The following MYOM2 variants were observed in gnomAD, a reference collection of about 807,000 sequenced individuals.
MYOM2 encodes myomesin-2.
MYOM2 carries 254 observed loss-of-function variants against 187.6 expected under a neutral mutation model. The ratio of observed to expected loss-of-function variants is 1.35; its 90% confidence interval spans 1.22 to 1.50. MYOM2 has a LOEUF of 1.50. Ranked by LOEUF, MYOM2 falls within the 40% of genes most tolerant of loss-of-function variation. MYOM2 has a pLI of 0.00. For missense variants in MYOM2, 2,796 were observed against 1,924.0 expected, an observed-to-expected ratio of 1.45 and a Z score of -8.48; for synonymous variants, 981 against 753.8, an observed-to-expected ratio of 1.30 and a Z score of -4.94.
intron 31 of MYOM2, among the ~76,000 whole-genome samples, chr8:2,127,152 G>A (rs1024867246): frequency 2.6e-5 from 4 of 151,950 alleles, no homozygotes; most frequent in African/African-American, 9.7e-5. Context: ...GGGTCGGGTG[G>A]GGGAATATGG....
chr8:2,057,747 C>G lies in MYOM2; in HGVS notation c.527C>G (p.Thr176Ser), dbSNP rs751424968. ...WERMSVKLCF[T>S]VQGFPTPVVQ... ...AGGATGTCTGTGAAACTCTGCTTCA[C>G]CGTGCAAGGATTTCCCACGCCCGTG... is the stretch of plus-strand genomic sequence containing the variant. Residue 176 changes from threonine to serine, a missense_variant, in exon 5 of 37, where the codon ACC becomes AGC. Transcript: ENST00000262113. The G allele has an allele frequency of 1.2e-6, 2 of 1,614,104 alleles. No individual in the cohort carries two copies. The highest frequency in any genetic ancestry group is 1.1e-5 in the South Asian group (1 of 91,072).
intron 1 of MYOM2, among the ~76,000 whole-genome samples, chr8:2,047,792 C>T (rs1363510511): frequency 2.6e-5 from 4 of 152,340 alleles, no homozygotes; most frequent in Non-Finnish European, 4.4e-5. Context: ...AGTGTGCACA[C>T]GTGATCCCAG....
chr8:2,121,553 C>T lies in MYOM2; in HGVS notation c.3454-1699C>T, dbSNP rs374633575. ...TACATTTGATTTACATACTTGTGTC[C>T]CTGTCAAGCCTGTGATTCGGTGCAC... On this transcript the variant is annotated intron_variant, in intron 28 of 36. Transcript: ENST00000262113. Among the ~76,000 whole-genome samples the T allele has an allele frequency of 5.3e-5, 8 of 152,060 alleles. No individual in the cohort carries two copies. In the East Asian group the frequency reaches 1.2e-3, roughly 22 times the overall value.
intron 25 of MYOM2, among the ~76,000 whole-genome samples, chr8:2,113,364 A>C (rs3779831): frequency 6.6e-6 from 1 of 151,968 alleles, no homozygotes. Context: ...AACACCTTTC[A>C]GTATCTGTTA....
rs1796976600 is a variant in MYOM2, at chr8:2,108,826, C to G, written c.3039C>G (p.Asn1013Lys). ...TGGCATTGAGCAATGAAATAAAGAA[C>G]CCCAGTAAGTAAGCCTCCAGCCCTT... Reference protein sequence around the residue: ...RLMALSNEIKNPTIPLKSELA... With the variant: ...RLMALSNEIKKPTIPLKSELA... Residue 1013 changes from asparagine (N) to lysine (K), a missense_variant, in exon 24 of 37, where the codon AAC (asparagine) becomes AAG (lysine). Physicochemically the swap from Asn to Lys is moderately conservative, Grantham distance 94. Coordinates refer to ENST00000262113, the MANE Select transcript of MYOM2 (RefSeq NM_003970.4). The G allele has an allele frequency of 6.2e-7, 1 of 1,613,846 alleles. No homozygotes were observed. The highest frequency in any genetic ancestry group is 8.5e-7 in the Non-Finnish European group (1 of 1,179,936).
chr8:2,089,815 G>A (rs1379298375), intron 14 of MYOM2, among the ~76,000 whole-genome samples, 193 bp from the exon 15 acceptor site: 11 of 152,126 alleles, frequency 7.2e-5, no homozygotes, highest in Non-Finnish European at 4.4e-5. Context: ...GGGTATTTGT[G>A]ACTTCCTTCT....
At chr8:2,124,373 C>T (rs534323376) in intron 31 of MYOM2, among the ~76,000 whole-genome samples, 156 bp downstream of exon 31, 8 of 152,198 alleles carry the variant, frequency 5.3e-5, no homozygotes, top group African/African-American at 1.7e-4. Context: ...GATCTGCTGC[C>T]GATGAAGCTT....
At chr8:2,139,116 C>T (rs980536900) in intron 32 of MYOM2, among the ~76,000 whole-genome samples, 1 of 151,312 alleles carries the variant, frequency 6.6e-6, no homozygotes, top group African/African-American at 2.4e-5. Flanking sequence ...CACCAGAGAC[C>T]GGGACGCAGA....
At chr8:2,076,400 A>G in intron 11 of MYOM2, 118 bp downstream of exon 11, 1 of 1,319,220 alleles carries the variant, frequency 7.6e-7, no homozygotes, top group Non-Finnish European at 1.0e-6. Flanking sequence ...GATTGGCTCT[A>G]GGTACATGGC....
At chr8:2,062,391 C>A (rs759947058) in intron 6 of MYOM2, among the ~76,000 whole-genome samples, 5 of 152,006 alleles carry the variant, frequency 3.3e-5, no homozygotes, top group Non-Finnish European at 7.4e-5. Context: ...GGCCTGGGAG[C>A]GGGAGGGAGC....
chr8:2,052,736 T>C (rs1818534694), intron 3 of MYOM2, among the ~76,000 whole-genome samples: 1 of 152,186 alleles, frequency 6.6e-6, no homozygotes, highest in Admixed American at 6.5e-5. Flanking sequence ...TAATTCTGAA[T>C]TTCCACTTGC....
At chr8:2,109,569 A>T in intron 25 of MYOM2, 38 bp downstream of exon 25, 2 of 1,577,912 alleles carry the variant, frequency 1.3e-6, no homozygotes, top group South Asian at 2.3e-5. Flanking sequence ...CTTTGCAGGG[A>T]GTCCACTTTT....
At position 2,096,350 on chromosome 8, in the gene MYOM2, G is replaced by A. The variant is rs1796484963; in HGVS notation, c.2229G>A (p.Leu743=). The A allele has an allele frequency of 6.2e-7, 1 of 1,614,196 alleles. No individual in the cohort carries two copies. ...VPKFSGGSPI[L]GYYLDKREVH... ...AATTCAGTGGTGGCTCGCCCATCCT[G>A]GGCTACTACCTGGACAAGCGTGAAG... Residue 743 remains leucine, a synonymous_variant, in exon 18 of 37, where the codon CTG becomes CTA. Coordinates refer to ENST00000262113, the MANE Select transcript of MYOM2 (RefSeq NM_003970.4).
chr8:2,045,535 C>T (rs145117601), intron 1 of MYOM2, among the ~76,000 whole-genome samples: 2 of 152,242 alleles, frequency 1.3e-5, no homozygotes, highest in East Asian at 3.9e-4. Context: ...ACGAAAGCCT[C>T]CCCCGAGGAG....
chr8:2,144,911 C>T lies in MYOM2; in HGVS notation c.4328C>T (p.Pro1443Leu), dbSNP rs201286207. ...GTGTACAAACACGGGGAGAAGATCC[C>T]GGACATGGCCCCGCCCCAGCAAGCC... The part of the protein sequence containing the change: ...VSVYKHGEKI[P>L]DMAPPQQAKP... The change falls in exon 37 of 37, where the codon CCG becomes CTG. Residue 1443 changes from proline (P) to leucine (L), a missense_variant. By Grantham distance (98) the Pro-to-Leu change is moderately conservative (BLOSUM62 -3). Transcript: ENST00000262113. The T allele has an allele frequency of 3.5e-4, 571 of 1,614,044 alleles. 1 individual carries two copies. Among genetic ancestry groups the T allele is most frequent in the Middle Eastern group, 9.9e-4 (6 of 6,082 alleles).
chr8:2,127,569 C>G (rs1028500492), intron 31 of MYOM2, among the ~76,000 whole-genome samples: 5 of 152,108 alleles, frequency 3.3e-5, no homozygotes, highest in African/African-American at 1.2e-4. Context: ...GAAGTCCAGG[C>G]AGGCAGTACC....
intron 22 of MYOM2, 41 bp downstream of exon 22, chr8:2,106,439 A>G: frequency 6.2e-7 from 1 of 1,610,742 alleles, no homozygotes; most frequent in Non-Finnish European, 8.5e-7. Flanking sequence ...AACTTTTAGA[A>G]GTTCCTGCAA....
chr8:2,105,055 G>C (rs986493122), intron 21 of MYOM2, among the ~76,000 whole-genome samples: 1 of 152,288 alleles, frequency 6.6e-6, no homozygotes, highest in South Asian at 2.1e-4. Flanking sequence ...TGGGATTACA[G>C]GCATGAGTGC....
intron 17 of MYOM2, among the ~76,000 whole-genome samples, chr8:2,095,877 T>A (rs1796464382): frequency 6.6e-6 from 1 of 152,184 alleles, no homozygotes; most frequent in Admixed American, 6.5e-5. Flanking sequence ...AGTTATTCCT[T>A]ATGGTTGTAA....
Sources: gnomAD v4.1 joint callset for allele counts (sites outside exome capture counted in the v4.1 genomes callset) on GRCh38, gnomAD v4.1.1 for gene constraint, MANE v1.5 for transcripts, NCBI Gene and HGNC (gene_info 2026-07-23, HGNC 2026-07-21) for gene names.